Variants in CCT6B observed in about 807,000 individuals in gnomAD.
CCT6B encodes the protein probable T-complex protein 1 subunit zeta-2.
In CCT6B, 49 loss-of-function variants were observed where a neutral mutation model predicts 61.5. The observed-to-expected ratio is 0.80, with a 90% CI of 0.63 to 1.01. The LOEUF is 1.01. CCT6B is among the 50% of genes least tolerant of loss of function. The probability of loss-of-function intolerance (pLI) is 0.00; values close to 1 mark genes in which losing one functional copy is unlikely to be tolerated. For synonymous variants in CCT6B, 228 were observed against 214.5 expected (o/e 1.06, Z -0.55); for missense variants, 666 against 634.7 (o/e 1.05, Z -0.53).
chr17:34,959,151 G>A (rs1384121578), intron 2 of CCT6B, among the ~76,000 whole-genome samples: 1 of 147,146 alleles, frequency 6.8e-6, no homozygotes, highest in Non-Finnish European at 1.5e-5. Context: ...TTGAGACAGG[G>A]TTTCACTCTG....
intron 5 of CCT6B, among the ~76,000 whole-genome samples, chr17:34,950,656 CGTG>C (rs2090280548): frequency 6.6e-6 from 1 of 152,140 alleles, no homozygotes; most frequent in Non-Finnish European, 1.5e-5. Flanking sequence ...TGGGGCCGGG[CGTG>C]GTGGCTCACG....
chr17:34,944,792 G>A (rs2142158840), intron 5 of CCT6B, among the ~76,000 whole-genome samples: 1 of 152,354 alleles, frequency 6.6e-6, no homozygotes, highest in African/African-American at 2.4e-5. Context: ...CGGGCCTGGT[G>A]GCAGGCACCT....
chr17:34,940,017 A>G (rs1006796188), intron 8 of CCT6B, among the ~76,000 whole-genome samples: 1 of 152,090 alleles, frequency 6.6e-6, no homozygotes, highest in Admixed American at 6.6e-5. Context: ...CAAGAATCCA[A>G]CACATTGTGC....
In CCT6B at chr17:34,961,266, G is replaced by C; in HGVS notation, c.128C>G (p.Thr43Ser). 1 of 1,604,326 alleles carries C rather than the reference G, an allele frequency of 6.2e-7. No homozygotes were observed. The highest frequency in any genetic ancestry group is 1.1e-5 in the South Asian group (1 of 90,166). ...VLRTNLGPKG[T>S]MKMLVSGAGD... ...CCAACCGCTGTCTCACATTTTCATG[G>C]TGCCTTTAGGACCCAAGTTGGTCCG... The change falls in exon 1 of 14, where the codon ACC (threonine) becomes AGC (serine). Residue 43 changes from threonine (T) to serine (S), a missense_variant. Physicochemically the swap from Thr to Ser is moderately conservative, Grantham distance 58. Coordinates refer to ENST00000314144, the MANE Select transcript of CCT6B (RefSeq NM_006584.4).
At position 34,927,987 on chromosome 17, in the gene CCT6B, TA is replaced by T. The variant is rs2089986714; in HGVS notation, c.*60del. 4 of 1,178,054 alleles carry T rather than the reference TA, an allele frequency of 3.4e-6. No individual in the cohort carries two copies. Among genetic ancestry groups the T allele is most frequent in the Non-Finnish European group, 3.7e-6 (3 of 804,870 alleles). The allele number at this position is 1,178,054 out of a possible 1,614,324, so 73.0% of individuals were successfully genotyped here. On this transcript the variant is annotated 3_prime_UTR_variant, in exon 14 of 14. Transcript: ENST00000314144. Reference sequence around the variant, plus strand: ...CAGAATGGCTCAGGCTACACAATAGTAGTCAGATGTAAAGTGTACTAAATTT... The same window carrying T: ...CAGAATGGCTCAGGCTACACAATAGTGTCAGATGTAAAGTGTACTAAATTT...
chr17:34,960,415 C>G (rs1490633743), intron 1 of CCT6B, among the ~76,000 whole-genome samples: 1 of 152,146 alleles, frequency 6.6e-6, no homozygotes, highest in Admixed American at 6.5e-5. Context: ...TTACTTTGCC[C>G]AGGCCTTTAC....
In CCT6B at chr17:34,958,788, A is replaced by G. The variant is rs549850645; in HGVS notation, c.202-94T>C. The G allele has an allele frequency of 3.5e-6, 3 of 848,808 alleles. No individual in the cohort carries two copies. In the South Asian group the frequency reaches 9.3e-5, roughly 26 times the overall value. 52.6% of individuals were successfully genotyped at this position (848,808 alleles called of 1,614,324 possible). A position where few individuals can be genotyped will look rare whatever the true frequency, so the allele number is the denominator to read the frequency against. ...TAACCTAGGGGTCAGTAGCAAAATTAAAAAATGAAATAAGCTTCATTCTAC... is the reference window on the plus strand; with the variant it reads ...TAACCTAGGGGTCAGTAGCAAAATTGAAAAATGAAATAAGCTTCATTCTAC... On this transcript the variant is annotated intron_variant, in intron 2 of 13. Transcript: ENST00000314144.
At chr17:34,959,291 A>ATTTTT (rs1160595019) in intron 2 of CCT6B, among the ~76,000 whole-genome samples, 2 of 129,468 alleles carry the variant, frequency 1.5e-5, no homozygotes, top group Non-Finnish European at 3.3e-5. Flanking sequence ...ACTGAGCAAA[A>ATTTTT]TTTTTTTTTT....
At chr17:34,933,025 A>T (rs950162792) in intron 10 of CCT6B, among the ~76,000 whole-genome samples, 1 of 151,936 alleles carries the variant, frequency 6.6e-6, no homozygotes, top group Admixed American at 6.6e-5. Flanking sequence ...CAAGTGATCC[A>T]CCCACCTCCG....
chr17:34,961,269 C>T lies in CCT6B; in HGVS notation c.125G>A (p.Gly42Asp), dbSNP rs759438923. 1.2e-6 allele frequency: 2 copies of T among 1,605,470 alleles called. No homozygotes were observed. The highest frequency in any genetic ancestry group is 2.7e-5 in the African/African-American group (2 of 74,578). ...ACCGCTGTCTCACATTTTCATGGTG[C>T]CTTTAGGACCCAAGTTGGTCCGCAG... ...DVLRTNLGPKGTMKMLVSGAG... is the reference protein window; with the variant it reads ...DVLRTNLGPKDTMKMLVSGAG... The change falls in exon 1 of 14, where the codon GGC (glycine) becomes GAC (aspartate). Residue 42 changes from glycine (G) to aspartate (D), a missense_variant. Gly to Asp is a moderately conservative substitution (Grantham distance 94). Transcript: ENST00000314144.
intron 3 of CCT6B, among the ~76,000 whole-genome samples, chr17:34,957,007 C>T (rs2090354697): frequency 6.6e-6 from 1 of 151,942 alleles, no homozygotes; most frequent in Non-Finnish European, 1.5e-5. Flanking sequence ...CAGGGTCTCA[C>T]TATGTTGCCC....
At chr17:34,959,715 A>G (rs945193304) in intron 1 of CCT6B, 65 bp from the exon 2 acceptor site, 17 of 1,112,664 alleles carry the variant, frequency 1.5e-5, no homozygotes, top group Non-Finnish European at 2.1e-5. Flanking sequence ...TTGCCACTCC[A>G]TTATCCTTAA....
intron 3 of CCT6B, among the ~76,000 whole-genome samples, chr17:34,956,191 C>T (rs560535712): frequency 6.6e-6 from 1 of 152,286 alleles, no homozygotes; most frequent in East Asian, 1.9e-4. Flanking sequence ...AGCCTCTTCT[C>T]CACTACTGTT....
chr17:34,959,534 T>C, intron 2 of CCT6B, 53 bp downstream of exon 2: 2 of 1,247,114 alleles, frequency 1.6e-6, no homozygotes, highest in East Asian at 4.6e-5. Context: ...AGTTCTACTA[T>C]GCTTCTAATT....
intron 7 of CCT6B, among the ~76,000 whole-genome samples, chr17:34,941,183 A>C (rs2090160155): frequency 1.3e-5 from 2 of 152,174 alleles, no homozygotes; most frequent in South Asian, 2.1e-4. Context: ...ATAGCAATGA[A>C]CTTTTCATAC....
At chr17:34,936,013 C>T (rs745703394) in intron 10 of CCT6B, among the ~76,000 whole-genome samples, 2 of 152,036 alleles carry the variant, frequency 1.3e-5, no homozygotes, top group African/African-American at 4.8e-5. Context: ...TCCAGTGGCA[C>T]GATCTCGGCT....
chr17:34,950,706 G>A (rs529011556), intron 5 of CCT6B, among the ~76,000 whole-genome samples: 23 of 152,250 alleles, frequency 1.5e-4, no homozygotes, highest in Non-Finnish European at 2.5e-4. Context: ...CGAGGCGGGT[G>A]GATCACAAGG....
intron 2 of CCT6B, among the ~76,000 whole-genome samples, chr17:34,959,032 C>A (rs1302879854): frequency 1.3e-5 from 2 of 151,540 alleles, no homozygotes; most frequent in Non-Finnish European, 2.9e-5. Flanking sequence ...TAAGGCAGTG[C>A]CCTTAAAAGA....
chr17:34,942,908 T>C lies in CCT6B; in HGVS notation c.615-2A>G, dbSNP rs142360145. 7,788 of 1,490,326 alleles carry C rather than the reference T, an allele frequency of 5.2e-3. 23 individuals carry two copies. Among genetic ancestry groups the C allele is most frequent in the Non-Finnish European group, 6.5e-3 (7,071 of 1,085,986 alleles). 92.3% of individuals were successfully genotyped at this position (1,490,326 alleles called of 1,614,324 possible). On this transcript the variant is annotated splice_acceptor_variant, in intron 5 of 13. Coordinates refer to ENST00000314144, the MANE Select transcript of CCT6B (RefSeq NM_006584.4). LOFTEE classifies it high-confidence loss of function. ...TCCAAAACTAATCCTTGGATCAACCTATTAAAAATATTAATGTTTCTTACT... is the reference window on the plus strand; with the variant it reads ...TCCAAAACTAATCCTTGGATCAACCCATTAAAAATATTAATGTTTCTTACT...
Sources: allele counts gnomAD v4.1 joint callset (sites outside exome capture counted in the v4.1 genomes callset), GRCh38; gene constraint gnomAD v4.1.1; transcripts MANE v1.5; gene names NCBI Gene and HGNC (gene_info 2026-07-23, HGNC 2026-07-21).